The following ZHX3 variants were observed in gnomAD, a reference collection of about 807,000 sequenced individuals.
ZHX3 encodes the protein zinc fingers and homeoboxes 3.
A neutral mutation model predicts 64.5 loss-of-function variants in ZHX3; 20 were observed. The ratio of observed to expected loss-of-function variants is 0.31; its 90% CI spans 0.22 to 0.45. ZHX3 has a LOEUF of 0.45. ZHX3 is among the 20% of genes least tolerant of loss of function. The probability of loss-of-function intolerance (pLI) is 1.00; values close to 1 mark genes in which losing one functional copy is unlikely to be tolerated. For synonymous variants in ZHX3, 423 were observed against 461.6 expected (o/e 0.92, Z 1.07); for missense variants, 1,041 against 1,195.8 (o/e 0.87, Z 1.91).
chr20:41,283,279 C>A (rs1338818206), intron 1 of ZHX3, among the ~76,000 whole-genome samples: 1 of 152,022 alleles, frequency 6.6e-6, no homozygotes, highest in East Asian at 1.9e-4. Flanking sequence ...TTTTCTATAC[C>A]CTGGAAATGA....
rs563289835 is a variant in ZHX3 at position 41,282,974 on chromosome 20, T to C, written c.-244-13891A>G. Among the ~76,000 whole-genome samples the C allele has an allele frequency of 5.9e-5, 9 of 152,218 alleles. No individual in the cohort carries two copies. The South Asian group carries it at 8.3e-4, about 14-fold the overall frequency. ...CCCAGGCTGGAGTGCAGTGGCATGA[T>C]CTTGGCTCACTGCAACCTCCGTCTC... On this transcript the variant is annotated intron_variant, in intron 1 of 3. Transcript: ENST00000683867.
intron 1 of ZHX3, among the ~76,000 whole-genome samples, chr20:41,273,034 T>TTA (rs2043218027): frequency 3.3e-5 from 5 of 149,526 alleles, no homozygotes; most frequent in African/African-American, 1.3e-4. Context: ...TCATCAATGC[T>TTA]TGTAATTTTG....
At chr20:41,244,051 T>C (rs773606143) in intron 2 of ZHX3, among the ~76,000 whole-genome samples, 27 of 152,096 alleles carry the variant, frequency 1.8e-4, no homozygotes, top group Non-Finnish European at 3.8e-4. Context: ...TCCTATGTGC[T>C]GGGGGGCTGT....
chr20:41,239,849 G>A (rs574995826), intron 2 of ZHX3: 2 of 152,250 alleles, frequency 1.3e-5, no homozygotes, highest in South Asian at 2.1e-4. Flanking sequence ...TATTTTTATC[G>A]TTTAACAAAG....
chr20:41,284,348 G>A (rs1027798991), intron 1 of ZHX3, among the ~76,000 whole-genome samples: 1 of 152,074 alleles, frequency 6.6e-6, no homozygotes, highest in African/African-American at 2.4e-5. Flanking sequence ...CCCAAAGCCA[G>A]CTTTCTCTCA....
intron 2 of ZHX3, among the ~76,000 whole-genome samples, chr20:41,262,171 G>T (rs1012776846): frequency 2.6e-5 from 4 of 152,100 alleles, no homozygotes; most frequent in African/African-American, 9.7e-5. Context: ...CCTCTTATCT[G>T]GACAACTGCC....
At chr20:41,216,727 A>T (rs1417266529) in intron 2 of ZHX3, among the ~76,000 whole-genome samples, 1 of 152,226 alleles carries the variant, frequency 6.6e-6, no homozygotes, top group Non-Finnish European at 1.5e-5. Context: ...TGAAATACTG[A>T]ATTTCTTACA....
chr20:41,224,153 A>T lies in ZHX3; in HGVS notation c.-150-19087T>A, dbSNP rs988527157. 1.3e-5 allele frequency among the ~76,000 whole-genome samples: 2 copies of T among 152,200 alleles called. No individual in the cohort carries two copies. The highest frequency in any genetic ancestry group is 2.9e-5 in the Non-Finnish European group (2 of 68,014). ...AGTCCAACTTCTTTCCTAATTAAAA[A>T]ATCCTGCAGCAATCTGTTATCCAGT... On this transcript the variant is annotated intron_variant, in intron 2 of 3. Coordinates refer to ENST00000683867, the MANE Select transcript of ZHX3 (RefSeq NM_001384317.1). The surrounding 1 kb of genome is among the most constrained non-coding windows in gnomAD (Gnocchi z 5.2).
chr20:41,266,165 A>C (rs1287218275), intron 2 of ZHX3, among the ~76,000 whole-genome samples: 1 of 152,200 alleles, frequency 6.6e-6, no homozygotes, highest in African/African-American at 2.4e-5. Flanking sequence ...TCTAAAAGTG[A>C]AAGATTAATT....
At position 41,195,588 on chromosome 20, in the gene ZHX3, G is replaced by A. The variant is rs2146172098; in HGVS notation, c.2860+6469C>T. 6.6e-6 allele frequency among the ~76,000 whole-genome samples: 1 copy of A among 152,184 alleles called. No individual in the cohort carries two copies. ...CTGCCACCATGTCCACCTAATTTTT[G>A]TATTTTTAGTAGAGACAGGGTTTCA... On this transcript the variant is annotated intron_variant, in intron 3 of 3. Transcript: ENST00000683867. The surrounding 1 kb of genome is among the most constrained non-coding windows in gnomAD (Gnocchi z 4.2).
intron 2 of ZHX3, among the ~76,000 whole-genome samples, chr20:41,256,890 A>G (rs1388716920): frequency 6.6e-6 from 1 of 151,968 alleles, no homozygotes; most frequent in Non-Finnish European, 1.5e-5. Flanking sequence ...TCATCTAAAT[A>G]GTGTACATTG....
intron 2 of ZHX3, among the ~76,000 whole-genome samples, chr20:41,258,307 C>T (rs2042374930): frequency 6.6e-6 from 1 of 152,172 alleles, no homozygotes; most frequent in Non-Finnish European, 1.5e-5. Context: ...CCAGTGTTAG[C>T]ATCTTACATA....
intron 2 of ZHX3, among the ~76,000 whole-genome samples, chr20:41,256,930 C>T (rs1378184652): frequency 6.6e-6 from 1 of 152,026 alleles, no homozygotes; most frequent in Non-Finnish European, 1.5e-5. Flanking sequence ...CATCCCTCAG[C>T]CCCCTCCCAC....
chr20:41,261,689 G>C (rs1184127542), intron 2 of ZHX3, among the ~76,000 whole-genome samples: 1 of 152,168 alleles, frequency 6.6e-6, no homozygotes, highest in Non-Finnish European at 1.5e-5. Context: ...TGAACATAAA[G>C]ACTGATCTTT....
chr20:41,299,207 T>TA (rs1288147771), intron 1 of ZHX3, among the ~76,000 whole-genome samples: 4 of 152,248 alleles, frequency 2.6e-5, no homozygotes, highest in African/African-American at 9.6e-5. Flanking sequence ...TGGGCAGTCT[T>TA]ATTCCATTTG....
At chr20:41,300,598 G>T (rs1426175269) in intron 1 of ZHX3, among the ~76,000 whole-genome samples, 1 of 152,130 alleles carries the variant, frequency 6.6e-6, no homozygotes, top group Non-Finnish European at 1.5e-5. Context: ...TCTACTTTAT[G>T]CTCCAGGAGA....
chr20:41,185,045 C>T lies in ZHX3; in HGVS notation c.*146G>A. 6.4e-7 allele frequency: 1 copy of T among 1,551,990 alleles called. No individual in the cohort carries two copies. The highest frequency in any genetic ancestry group is 1.4e-5 in the African/African-American group (1 of 73,172). ...GCCGAGGGTAGCGGCAGGCTCTGGG[C>T]TGTCTGCGAGGATTCTGGAAGCTCT... On this transcript the variant is annotated 3_prime_UTR_variant, in exon 4 of 4. Coordinates refer to ENST00000683867, the MANE Select transcript of ZHX3 (RefSeq NM_001384317.1). This position sits in a 1 kb window ranked among gnomAD's most constrained non-coding sequence, Gnocchi z 5.0.
intron 3 of ZHX3, among the ~76,000 whole-genome samples, chr20:41,190,253 C>A (rs2036899549): frequency 6.6e-6 from 1 of 152,214 alleles, no homozygotes; most frequent in Admixed American, 6.5e-5. Flanking sequence ...CGGCTCACTG[C>A]AACCTCTGCT....
chr20:41,239,702 G>A (rs1391558926), intron 2 of ZHX3: 2 of 152,224 alleles, frequency 1.3e-5, no homozygotes, highest in Non-Finnish European at 2.9e-5. Flanking sequence ...CCTATGGAAG[G>A]GACTGGGGAG....
Sources: gnomAD v4.1 joint callset for allele counts (sites outside exome capture counted in the v4.1 genomes callset) on GRCh38, gnomAD v4.1.1 for gene constraint, Gnocchi (gnomAD v3.1) non-coding constraint, MANE v1.5 for transcripts, NCBI Gene and HGNC (gene_info 2026-07-23, HGNC 2026-07-21) for gene names.